The following CCNY variants were observed in gnomAD, a reference collection of about 807,000 sequenced individuals.
CCNY encodes cyclin-Y.
Under a neutral mutation model 42.8 loss-of-function variants are expected in CCNY, and 19 were observed. The ratio of observed to expected loss-of-function variants is 0.44; its 90% confidence interval spans 0.31 to 0.65. CCNY has a LOEUF of 0.65. Ranked by LOEUF, CCNY falls within the 30% of genes least tolerant of loss-of-function variation. The pLI, the probability that CCNY is intolerant of heterozygous loss-of-function variation, is 0.07. For missense variants in CCNY, 370 were observed against 437.3 expected (o/e 0.85, Z 1.37); for synonymous variants, 165 against 162.7 (o/e 1.01, Z -0.11).
intron 1 of CCNY, among the ~76,000 whole-genome samples, chr10:35,388,821 G>T (rs1250173005): frequency 6.6e-6 from 1 of 152,156 alleles, no homozygotes; most frequent in Non-Finnish European, 1.5e-5. Context: ...GAGGCTCTCA[G>T]GGAGAATCTG....
intron 3 of CCNY, 130 bp from the exon 4 acceptor site, chr10:35,516,393 G>A: frequency 1.5e-6 from 1 of 687,038 alleles, no homozygotes; most frequent in Non-Finnish European, 2.6e-6. Context: ...GTTCTTGGTG[G>A]TAATGTTGAC....
intron 3 of CCNY, among the ~76,000 whole-genome samples, chr10:35,302,946 A>T (rs1447057489): frequency 6.6e-6 from 1 of 152,228 alleles, no homozygotes; most frequent in East Asian, 1.9e-4. Context: ...CTGTAATCCC[A>T]GCACTTTGAG....
At chr10:35,439,455 A>T (rs577104165) in intron 1 of CCNY, among the ~76,000 whole-genome samples, 67 of 151,624 alleles carry the variant, frequency 4.4e-4, no homozygotes, top group Non-Finnish European at 8.4e-4. Flanking sequence ...TAAAATTTCC[A>T]TTTGGTACTT....
chr10:35,304,476 AT>A (rs1202862813), intron 3 of CCNY, among the ~76,000 whole-genome samples: 1 of 105,910 alleles, frequency 9.4e-6, no homozygotes, highest in Non-Finnish European at 1.8e-5. Flanking sequence ...CGCCCGGCTA[AT>A]TTTTTTGTAT....
intron 1 of CCNY, among the ~76,000 whole-genome samples, chr10:35,482,930 G>A (rs1326724226): frequency 6.6e-6 from 1 of 152,066 alleles, no homozygotes; most frequent in Non-Finnish European, 1.5e-5. Context: ...TTGCTCTAAG[G>A]GACAAGTTTT....
chr10:35,421,109 G>T (rs1838149979), intron 1 of CCNY, among the ~76,000 whole-genome samples: 1 of 151,750 alleles, frequency 6.6e-6, no homozygotes, highest in Admixed American at 6.6e-5. Flanking sequence ...TTGGGTGTAG[G>T]ACGAGGTTCA....
intron 7 of CCNY, among the ~76,000 whole-genome samples, chr10:35,546,080 A>C (rs563626423): frequency 6.6e-6 from 1 of 152,316 alleles, no homozygotes; most frequent in African/African-American, 2.4e-5. Flanking sequence ...TGAAGCTACC[A>C]ACTCACTTCA....
At chr10:35,445,059 T>C (rs1325683638) in intron 1 of CCNY, among the ~76,000 whole-genome samples, 1 of 152,216 alleles carries the variant, frequency 6.6e-6, no homozygotes, top group Admixed American at 6.5e-5. Flanking sequence ...AAGAAGAGCA[T>C]GTTTTGGTGG....
chr10:35,340,919 T>C (rs889919144), intron 1 of CCNY, among the ~76,000 whole-genome samples: 1 of 152,206 alleles, frequency 6.6e-6, no homozygotes, highest in Non-Finnish European at 1.5e-5. Context: ...TATCAGACTT[T>C]GACCACTCTC....
intron 1 of CCNY, among the ~76,000 whole-genome samples, chr10:35,475,589 G>C (rs1839490409): frequency 6.7e-6 from 1 of 149,588 alleles, no homozygotes. Context: ...AGCAAATGCT[G>C]AGAGATTTTG....
Position 35,483,273 on chromosome 10 carries a change from C to G in CCNY, c.155-131C>G, listed in dbSNP as rs533149820. The G allele has an allele frequency of 7.7e-6, 5 of 650,046 alleles. No individual in the cohort carries two copies. In the East Asian group the frequency reaches 1.2e-4, roughly 15 times the overall value. The allele number at this position is 650,046 out of a possible 1,614,324, so 40.3% of individuals were successfully genotyped here. ...GAATTGAACCAAAAGAATCTATTAACATAATAGCTATAGGTTTCCAGAATC... is the reference window on the plus strand; with the variant it reads ...GAATTGAACCAAAAGAATCTATTAAGATAATAGCTATAGGTTTCCAGAATC... On this transcript the variant is annotated intron_variant, in intron 1 of 9. Transcript: ENST00000374704.
intron 3 of CCNY, chr10:35,316,384 G>C (rs185492109): frequency 7.2e-5 from 11 of 152,304 alleles, no homozygotes; most frequent in Admixed American, 6.5e-4. Context: ...ATATGGCTCT[G>C]TCTCTACCCA....
intron 1 of CCNY, among the ~76,000 whole-genome samples, chr10:35,428,308 T>C (rs1370563339): frequency 6.6e-6 from 1 of 152,150 alleles, no homozygotes; most frequent in Non-Finnish European, 1.5e-5. Context: ...AAGATTTTGC[T>C]GAAGACACTG....
At chr10:35,369,739 C>A (rs1489083644) in intron 1 of CCNY, among the ~76,000 whole-genome samples, 2 of 152,184 alleles carry the variant, frequency 1.3e-5, no homozygotes, top group African/African-American at 4.8e-5. Context: ...CTTAATGTTT[C>A]TTGTTCTGCA....
At chr10:35,276,748 TG>T (rs1268305198) in intron 3 of CCNY, among the ~76,000 whole-genome samples, 1 of 152,244 alleles carries the variant, frequency 6.6e-6, no homozygotes. Context: ...ACAGTCACTA[TG>T]GAACTCTCCA....
intron 1 of CCNY, among the ~76,000 whole-genome samples, chr10:35,465,125 A>C (rs993431069): frequency 5.9e-5 from 9 of 152,026 alleles, no homozygotes; most frequent in African/African-American, 1.9e-4. Flanking sequence ...TAAGTTGTTG[A>C]GAAGAGGTAT....
intron 1 of CCNY, among the ~76,000 whole-genome samples, chr10:35,458,651 A>G (rs1839088366): frequency 3.9e-5 from 6 of 152,210 alleles, no homozygotes; most frequent in Admixed American, 3.9e-4. Flanking sequence ...AAGCAAAATA[A>G]GTACTGTAAT....
chr10:35,278,176 T>G (rs111393881), intron 3 of CCNY, among the ~76,000 whole-genome samples: 9,952 of 151,920 alleles, frequency 0.066, 556 homozygotes, highest in African/African-American at 0.15. Flanking sequence ...CTGCTGACCT[T>G]CCCCCCATCC....
intron 1 of CCNY, among the ~76,000 whole-genome samples, chr10:35,404,810 G>A (rs1312991926): frequency 6.6e-6 from 1 of 152,194 alleles, no homozygotes; most frequent in East Asian, 1.9e-4. Flanking sequence ...GTCAAGATAG[G>A]TAATGGATGA....
Sources: allele counts gnomAD v4.1 joint callset (sites outside exome capture counted in the v4.1 genomes callset), GRCh38; gene constraint gnomAD v4.1.1; transcripts MANE v1.5; gene names NCBI Gene and HGNC (gene_info 2026-07-23, HGNC 2026-07-21).